Variants in FARP1 observed in about 807,000 individuals in gnomAD.
The protein encoded by FARP1 is FERM, ARHGEF and pleckstrin domain-containing protein 1.
Under a neutral mutation model 128.8 loss-of-function variants are expected in FARP1, and 52 were observed. The observed-to-expected ratio is 0.40, with a 90% confidence interval of 0.32 to 0.51. The LOEUF (loss-of-function observed/expected upper bound fraction) is 0.51, where lower values mean the gene tolerates loss of function less well. Ranked by LOEUF, FARP1 falls within the 20% of genes least tolerant of loss-of-function variation. FARP1 has a pLI of 0.45. For missense variants in FARP1, 1,333 were observed against 1,367.9 expected, an observed-to-expected ratio of 0.97 and a Z score of 0.40; for synonymous variants, 580 against 551.8, an observed-to-expected ratio of 1.05 and a Z score of -0.72.
intron 2 of FARP1, among the ~76,000 whole-genome samples, chr13:98,267,404 G>A (rs1006541457): frequency 6.6e-6 from 1 of 152,170 alleles, no homozygotes; most frequent in South Asian, 2.1e-4. Flanking sequence ...GCTTTCTGTA[G>A]CCTGTCCAGA....
At chr13:98,278,168 A>AGTGTGTGTGTGTGT (rs1291047216) in intron 2 of FARP1, among the ~76,000 whole-genome samples, 445 of 131,642 alleles carry the variant, frequency 3.4e-3, no homozygotes, top group African/African-American at 0.012. Flanking sequence ...TGTATGAGTG[A>AGTGTGTGTGTGTGT]GTGAGTGTGT....
At chr13:98,429,072 C>T (rs961467449) in intron 17 of FARP1, among the ~76,000 whole-genome samples, 2 of 152,166 alleles carry the variant, frequency 1.3e-5, no homozygotes, top group Admixed American at 6.5e-5. Flanking sequence ...GGTGCACAAT[C>T]CCTCCCTGTA....
chr13:98,393,768 T>G (rs745940016), intron 12 of FARP1, 50 bp downstream of exon 12: 2 of 1,395,788 alleles, frequency 1.4e-6, no homozygotes, highest in Admixed American at 3.5e-5. Context: ...CCACACTTCC[T>G]CCACGGAGCC....
At chr13:98,448,119 G>C in intron 26 of FARP1, 117 bp from the exon 27 acceptor site, 1 of 814,870 alleles carries the variant, frequency 1.2e-6, no homozygotes, top group Non-Finnish European at 2.1e-6. Context: ...CTGCTGAAGT[G>C]GCAGATTACC....
chr13:98,252,383 G>A (rs1372123222), intron 2 of FARP1, among the ~76,000 whole-genome samples: 1 of 152,142 alleles, frequency 6.6e-6, no homozygotes, highest in African/African-American at 2.4e-5. Context: ...TCACATTCAT[G>A]TTCTTGGGTA....
chr13:98,349,830 C>G (rs1209146479), intron 3 of FARP1, among the ~76,000 whole-genome samples: 1 of 152,048 alleles, frequency 6.6e-6, no homozygotes. Flanking sequence ...AAAGCTTTGT[C>G]AATAGTGGGA....
chr13:98,171,692 T>C (rs1268510475), intron 1 of FARP1, among the ~76,000 whole-genome samples: 3 of 152,150 alleles, frequency 2.0e-5, no homozygotes, highest in East Asian at 1.9e-4. Context: ...CAGAGCTACA[T>C]TGTTAAAAAA....
Position 98,448,163 on chromosome 13 carries a change from T to A in FARP1, c.3057-73T>A, listed in dbSNP as rs1474134727. ...GGCCTGACTTCACCTTGTGTTTCTGTAAGCGATGCCCACCAAAGTGTCAGG... is the reference window on the plus strand; with the variant it reads ...GGCCTGACTTCACCTTGTGTTTCTGAAAGCGATGCCCACCAAAGTGTCAGG... On this transcript the variant is annotated intron_variant, in intron 26 of 26. Transcript: ENST00000319562. 3.9e-4 allele frequency: 507 copies of A among 1,300,206 alleles called. 1 individual carries two copies. The African/African-American group carries it at 4.7e-3, about 12-fold the overall frequency. The allele number at this position is 1,300,206 out of a possible 1,614,324, so 80.5% of individuals were successfully genotyped here. A position where few individuals can be genotyped will look rare whatever the true frequency, so the allele number is the denominator to read the frequency against.
intron 2 of FARP1, among the ~76,000 whole-genome samples, chr13:98,242,244 G>T (rs1202563976): frequency 6.6e-6 from 1 of 152,170 alleles, no homozygotes; most frequent in Non-Finnish European, 1.5e-5. Flanking sequence ...CTCCCTCGAG[G>T]CCGTAGGGAC....
chr13:98,423,367 C>G (rs1053141847), intron 16 of FARP1, among the ~76,000 whole-genome samples: 1 of 152,166 alleles, frequency 6.6e-6, no homozygotes, highest in Non-Finnish European at 1.5e-5. Context: ...GTATTTTTTT[C>G]CACTTTGAAG....
intron 2 of FARP1, among the ~76,000 whole-genome samples, chr13:98,326,316 A>G (rs1369043523): frequency 6.6e-6 from 1 of 152,238 alleles, no homozygotes; most frequent in Non-Finnish European, 1.5e-5. Flanking sequence ...TTAGTTAAAA[A>G]AACCCACCTA....
chr13:98,177,620 C>T (rs1386583467), intron 1 of FARP1, among the ~76,000 whole-genome samples: 2 of 151,686 alleles, frequency 1.3e-5, no homozygotes, highest in Non-Finnish European at 1.5e-5. Flanking sequence ...GTACTCTAGC[C>T]TGGGTGACAG....
At chr13:98,228,562 A>C (rs1442667022) in intron 2 of FARP1, among the ~76,000 whole-genome samples, 1 of 152,182 alleles carries the variant, frequency 6.6e-6, no homozygotes, top group Non-Finnish European at 1.5e-5. Flanking sequence ...TATTGTTTGT[A>C]TAGTATATCG....
intron 8 of FARP1, among the ~76,000 whole-genome samples, chr13:98,387,482 G>A (rs573278199): frequency 6.6e-6 from 1 of 152,168 alleles, no homozygotes; most frequent in African/African-American, 2.4e-5. Flanking sequence ...ATGTAGTCAC[G>A]TGCAAAGCCT....
chr13:98,280,076 C>G (rs59290946), intron 2 of FARP1, among the ~76,000 whole-genome samples: 6,677 of 152,246 alleles, frequency 0.044, 453 homozygotes, highest in African/African-American at 0.15. Flanking sequence ...TGCATGTCGC[C>G]TCCATTTCCT....
chr13:98,298,911 A>T (rs912265136), intron 2 of FARP1, among the ~76,000 whole-genome samples: 4 of 152,178 alleles, frequency 2.6e-5, no homozygotes. Flanking sequence ...CTAACATTGT[A>T]TATATGAGGA....
At chr13:98,371,445 GT>G (rs1178235207) in intron 5 of FARP1, among the ~76,000 whole-genome samples, 1 of 152,018 alleles carries the variant, frequency 6.6e-6, no homozygotes, top group Non-Finnish European at 1.5e-5. Context: ...GACGGAGCAG[GT>G]TTTTGTTGTT....
At chr13:98,173,546 A>G (rs1456736457) in intron 1 of FARP1, among the ~76,000 whole-genome samples, 2 of 152,212 alleles carry the variant, frequency 1.3e-5, no homozygotes, top group African/African-American at 4.8e-5. Context: ...GGGAGAGGGA[A>G]TGGAGCTGCC....
chr13:98,297,042 A>G (rs933953606), intron 2 of FARP1, among the ~76,000 whole-genome samples: 2 of 152,226 alleles, frequency 1.3e-5, no homozygotes, highest in African/African-American at 4.8e-5. Context: ...GAATATTCAT[A>G]TATCACCTTT....
Sources: gnomAD v4.1 joint callset for allele counts (sites outside exome capture counted in the v4.1 genomes callset) on GRCh38, gnomAD v4.1.1 for gene constraint, MANE v1.5 for transcripts, NCBI Gene and HGNC (gene_info 2026-07-23, HGNC 2026-07-21) for gene names.